Variants in SLC2A12 observed in about 807,000 individuals in gnomAD.
SLC2A12 encodes the protein solute carrier family 2, facilitated glucose transporter member 12.
SLC2A12 carries 23 observed loss-of-function variants against 41.8 expected under a neutral mutation model. The observed-to-expected ratio is 0.55, with a 90% CI of 0.40 to 0.78. The LOEUF (loss-of-function observed/expected upper bound fraction) is 0.78, where lower values mean the gene tolerates loss of function less well. SLC2A12 is among the 30% of genes least tolerant of loss of function. The pLI is 0.00. For missense variants in SLC2A12, 654 were observed against 745.6 expected (o/e 0.88, Z 1.43); for synonymous variants, 295 against 285.9 (o/e 1.03, Z -0.32).
chr6:133,992,574 T>C (rs1408196850), intron 4 of SLC2A12, among the ~76,000 whole-genome samples: 1 of 152,176 alleles, frequency 6.6e-6, no homozygotes, highest in Non-Finnish European at 1.5e-5. Flanking sequence ...GTTTAGCTCC[T>C]TGAATGCAGG....
At position 134,029,141 on chromosome 6, in the gene SLC2A12, T is replaced by C. The variant is rs140804762; in HGVS notation, c.684A>G (p.Gly228=). The change falls in exon 2 of 5, where the codon GGA becomes GGG. Residue 228 remains glycine (G), a synonymous_variant. Coordinates refer to ENST00000275230, the MANE Select transcript of SLC2A12 (RefSeq NM_145176.3). The part of the protein sequence containing the change: ...PPSPRFLVMK[G]QEGAASKVLG... ...GAACCTTGCTAGCAGCTCCCTCTTG[T>C]CCTTTCATCACCAGAAACCGAGGGC... 39 of 1,613,982 alleles carry C rather than the reference T, an allele frequency of 2.4e-5. No individual in the cohort carries two copies. The highest frequency in any genetic ancestry group is 3.1e-5 in the Non-Finnish European group (37 of 1,180,042).
At position 134,002,887 on chromosome 6, in the gene SLC2A12, TACAGTCCCTTTGTAGTCATGGA is replaced by T. The variant is rs372857544; in HGVS notation, c.1568-780_1568-759del. On this transcript the variant is annotated intron_variant, in intron 3 of 4. Coordinates refer to ENST00000275230, the MANE Select transcript of SLC2A12 (RefSeq NM_145176.3). ...TCCTCTGACCGCTTCCAGCCAAAGA[TACAGTCCCTTTGTAGTCATGGA>T]CCAAGTCAAGGCACATTCAGTGGTC... Among the ~76,000 whole-genome samples, 1,364 of 152,284 alleles carry T rather than the reference TACAGTCCCTTTGTAGTCATGGA, an allele frequency of 9.0e-3. 23 individuals carry two copies. Among genetic ancestry groups the T allele is most frequent in the African/African-American group, 0.031 (1,299 of 41,556 alleles).
At chr6:134,050,264 C>T (rs1239167716) in intron 1 of SLC2A12, among the ~76,000 whole-genome samples, 1 of 152,042 alleles carries the variant, frequency 6.6e-6, no homozygotes, top group African/African-American at 2.4e-5. Flanking sequence ...AGAAAATTTA[C>T]AAAAGTAGAA....
Position 134,029,160 on chromosome 6 carries a change from C to T in SLC2A12, c.665G>A (p.Arg222Gln), listed in dbSNP as rs781343702. 10 of 1,613,954 alleles carry T rather than the reference C, an allele frequency of 6.2e-6. No homozygotes were observed. Among genetic ancestry groups the T allele is most frequent in the Admixed American group, 1.7e-5 (1 of 60,004 alleles). ...CTCTTGTCCTTTCATCACCAGAAAC[C>T]GAGGGCTTGGAGGAAGAAAATACAT... is the stretch of plus-strand genomic sequence containing the variant. ...IAMYFLPPSPRFLVMKGQEGA... is the reference protein window; with the variant it reads ...IAMYFLPPSPQFLVMKGQEGA... Residue 222 changes from arginine (R) to glutamine (Q), a missense_variant, in exon 2 of 5, where the codon CGG (arginine) becomes CAG (glutamine). Arg to Gln is a conservative substitution (Grantham distance 43). This residue lies in a region of SLC2A12 where 411 missense variants were observed against 412.1 expected (regional missense o/e 1.00). Transcript: ENST00000275230.
In SLC2A12 at chr6:134,046,934, A is replaced by AC. The variant is rs879663068; in HGVS notation, c.103+5443_103+5444insG. The stretch of plus-strand genomic sequence containing the variant: ...GCAAAACAAAATAATACAGAAAAAA[A>AC]ATTTGAATTTATGATTTACTCTAAA... On this transcript the variant is annotated intron_variant, in intron 1 of 4. Transcript: ENST00000275230. Among the ~76,000 whole-genome samples, 356 of 152,350 alleles carry AC rather than the reference A, an allele frequency of 2.3e-3. 1 individual carries two copies. The highest frequency in any genetic ancestry group is 8.1e-3 in the African/African-American group (338 of 41,576).
In SLC2A12 at chr6:134,023,729, T is replaced by A. The variant is rs538540563; in HGVS notation, c.1444+4652A>T. 4.1e-4 allele frequency among the ~76,000 whole-genome samples: 62 copies of A among 152,352 alleles called. 2 individuals carry two copies. The South Asian group carries it at 0.011, about 28-fold the overall frequency. ...ACCTCACCTCTTATTTTAGATGGAATGGAAGCTAGTCATATATTTGAATAA... is the reference window on the plus strand; with the variant it reads ...ACCTCACCTCTTATTTTAGATGGAAAGGAAGCTAGTCATATATTTGAATAA... On this transcript the variant is annotated intron_variant, in intron 2 of 4. Transcript: ENST00000275230.
chr6:134,012,820 A>G (rs1479104565), intron 2 of SLC2A12, among the ~76,000 whole-genome samples: 3 of 152,142 alleles, frequency 2.0e-5, no homozygotes, highest in African/African-American at 7.2e-5. Flanking sequence ...ATTTTTAAAA[A>G]TATAGCCAGG....
intron 2 of SLC2A12, among the ~76,000 whole-genome samples, chr6:134,026,584 G>A (rs1003568298): frequency 6.6e-6 from 1 of 152,138 alleles, no homozygotes. Flanking sequence ...CCAAAGTAAT[G>A]GTAGAAATCT....
Position 133,990,965 on chromosome 6 carries a change from C to G in SLC2A12, c.*190G>C. 2 of 603,418 alleles carry G rather than the reference C, an allele frequency of 3.3e-6. No individual in the cohort carries two copies. Among genetic ancestry groups the G allele is most frequent in the Non-Finnish European group, 5.5e-6 (2 of 360,770 alleles). The allele number at this position is 603,418 out of a possible 1,614,324, so 37.4% of individuals were successfully genotyped here. A position where few individuals can be genotyped will look rare whatever the true frequency, so the allele number is the denominator to read the frequency against. ...AAAGAGATCACTTAGGACCTTGTAC[C>G]TCATCTACCTTTTGAGGTTCCTTCT... On this transcript the variant is annotated 3_prime_UTR_variant, in exon 5 of 5. Transcript: ENST00000275230.
chr6:134,033,718 A>C (rs1160242786), intron 1 of SLC2A12, among the ~76,000 whole-genome samples: 2 of 152,102 alleles, frequency 1.3e-5, no homozygotes, highest in African/African-American at 2.4e-5. Flanking sequence ...TGTCCTTGCC[A>C]CCCTGTGCTT....
rs1430539955 is a variant in SLC2A12 at position 134,029,735 on chromosome 6, G to T, written c.104-14C>A. 1 of 1,584,200 alleles carries T rather than the reference G, an allele frequency of 6.3e-7. No homozygotes were observed. The highest frequency in any genetic ancestry group is 8.6e-7 in the Non-Finnish European group (1 of 1,169,026). On this transcript the variant is annotated splice_polypyrimidine_tract_variant and intron_variant, in intron 1 of 4. Coordinates refer to ENST00000275230, the MANE Select transcript of SLC2A12 (RefSeq NM_145176.3). ...ACATGCCGCAGCCTGCAAGCAGAGA[G>T]AAGAGACAGGGAGGTCAGTTCTCAG... is the stretch of plus-strand genomic sequence containing the variant.
chr6:134,052,330 T>C (rs769730547), intron 1 of SLC2A12, 48 bp downstream of exon 1: 1 of 1,447,606 alleles, frequency 6.9e-7, no homozygotes, highest in Non-Finnish European at 9.6e-7. Flanking sequence ...GGGAGATGAG[T>C]ACAGCTTGCT....
At position 134,006,795 on chromosome 6, in the gene SLC2A12, AAAC is replaced by A. The variant is rs748249395; in HGVS notation, c.1567+14_1567+16del. On this transcript the variant is annotated intron_variant, in intron 3 of 4. Transcript: ENST00000275230. ...TACGAGGACCAAAGACATTAGAGGA[AAAC>A]AAAGACTTCTTACCAGTTACAGTCA... 1 of 1,613,738 alleles carries A rather than the reference AAAC, an allele frequency of 6.2e-7. No homozygotes were observed. The highest frequency in any genetic ancestry group is 8.5e-7 in the Non-Finnish European group (1 of 1,179,834).
Position 134,052,565 on chromosome 6 carries a change from T to G in SLC2A12, c.-85A>C. On this transcript the variant is annotated 5_prime_UTR_variant, in exon 1 of 5. Coordinates refer to ENST00000275230, the MANE Select transcript of SLC2A12 (RefSeq NM_145176.3). The stretch of plus-strand genomic sequence containing the variant: ...CCAGGAGTGGTCACTTTCCCCATAA[T>G]AGCATGCTAAAGAAGAGTGTGGGGA... The G allele has an allele frequency of 1.0e-6, 1 of 996,612 alleles. No homozygotes were observed. The highest frequency in any genetic ancestry group is 1.5e-6 in the Non-Finnish European group (1 of 646,522). The allele number at this position is 996,612 out of a possible 1,614,324, so 61.7% of individuals were successfully genotyped here.
At position 134,002,039 on chromosome 6, in the gene SLC2A12, T is replaced by A; in HGVS notation, c.1658A>T (p.Lys553Met). The A allele has an allele frequency of 6.2e-7, 1 of 1,607,842 alleles. No homozygotes were observed. The highest frequency in any genetic ancestry group is 1.3e-5 in the African/African-American group (1 of 74,478). Reference protein sequence around the residue: ...LFVVMFIPETKGCSLEQISME... With the variant: ...LFVVMFIPETMGCSLEQISME... ...TGATATTTGTTCCAAAGAGCATCCC[T>A]TTGTCTCAGGTATAAACATAACAAC... The change falls in exon 4 of 5, where the codon AAG becomes ATG. Residue 553 changes from lysine to methionine, a missense_variant. Lys to Met is a moderately conservative substitution (Grantham distance 95). Around this residue, in one of 3 missense-constraint regions of SLC2A12, gnomAD observed 134 missense variants for 180.5 expected, o/e 0.74. Coordinates refer to ENST00000275230, the MANE Select transcript of SLC2A12 (RefSeq NM_145176.3).
At chr6:133,999,991 T>C (rs1390259254) in intron 4 of SLC2A12, among the ~76,000 whole-genome samples, 2 of 152,208 alleles carry the variant, frequency 1.3e-5, no homozygotes, top group Non-Finnish European at 2.9e-5. Flanking sequence ...CTGAGGCCAT[T>C]GATTATTTAA....
At position 134,029,628 on chromosome 6, in the gene SLC2A12, A is replaced by G. The variant is rs564577791; in HGVS notation, c.197T>C (p.Leu66Pro). ...CAGGGCTAATAAGGTTTTGATCTGA[A>G]GAAGAGCCCCAGAGATGATCCCAAG... ...YELGIISGAL[L>P]QIKTLLALSC... The change falls in exon 2 of 5, where the codon CTT becomes CCT. Residue 66 changes from leucine to proline, a missense_variant. This residue lies in a region of SLC2A12 where 109 missense variants were observed against 153.0 expected (regional missense o/e 0.71). Coordinates refer to ENST00000275230, the MANE Select transcript of SLC2A12 (RefSeq NM_145176.3). 1.2e-6 allele frequency: 2 copies of G among 1,613,870 alleles called. No individual in the cohort carries two copies. Among genetic ancestry groups the G allele is most frequent in the Admixed American group, 3.3e-5 (2 of 60,008 alleles).
At chr6:134,002,955 A>G (rs2114427590) in intron 3 of SLC2A12, among the ~76,000 whole-genome samples, 2 of 152,308 alleles carry the variant, frequency 1.3e-5, no homozygotes, top group East Asian at 3.9e-4. Context: ...CCCACAGTGC[A>G]CTTGAGGCTG....
intron 2 of SLC2A12, among the ~76,000 whole-genome samples, chr6:134,017,892 G>A (rs1776984795): frequency 6.6e-6 from 1 of 151,652 alleles, no homozygotes; most frequent in East Asian, 1.9e-4. Context: ...GTGGACATTT[G>A]TATGTTTCTC....
Sources: allele counts gnomAD v4.1 joint callset (sites outside exome capture counted in the v4.1 genomes callset), GRCh38; gene constraint gnomAD v4.1.1; regional missense constraint gnomAD v4.1.1; transcripts MANE v1.5; gene names NCBI Gene and HGNC (gene_info 2026-07-23, HGNC 2026-07-21).